The following CSMD1 variants were observed in gnomAD, a reference collection of about 807,000 sequenced individuals.
The protein encoded by CSMD1 is CUB and sushi domain-containing protein 1.
In CSMD1, 213 loss-of-function variants were observed where a neutral mutation model predicts 417.5. That is an observed-to-expected ratio of 0.51 (90% CI 0.46 to 0.57). The LOEUF is 0.57. CSMD1 is among the 20% of genes least tolerant of loss of function. CSMD1 has a pLI of 0.00. For missense variants in CSMD1, 6,923 were observed against 4,529.7 expected (o/e 1.53, Z -15.17); for synonymous variants, 2,862 against 1,736.8 (o/e 1.65, Z -16.11).
chr8:3,440,362 T>C lies in CSMD1; in HGVS notation c.1561+28350A>G, dbSNP rs149430854. Among the ~76,000 whole-genome samples the C allele has an allele frequency of 7.2e-5, 11 of 152,336 alleles. No homozygotes were observed. The East Asian group carries it at 2.1e-3, about 29-fold the overall frequency. ...GTTTTCAGTCTATGAGTCCTATACA[T>C]ATACAGTTTTCTTTAGATTTCCACA... On this transcript the variant is annotated intron_variant, in intron 12 of 69. Transcript: ENST00000635120.
chr8:4,640,808 GTTT>G (rs755412947), intron 1 of CSMD1, among the ~76,000 whole-genome samples: 1 of 144,176 alleles, frequency 6.9e-6, no homozygotes, highest in Non-Finnish European at 1.5e-5. Context: ...TAATTGTAAT[GTTT>G]TAGTTAAAAT....
chr8:3,188,655 A>G (rs1211097087), intron 35 of CSMD1, among the ~76,000 whole-genome samples: 2 of 151,748 alleles, frequency 1.3e-5, no homozygotes, highest in East Asian at 3.9e-4. Flanking sequence ...TTATTTTAAA[A>G]AATTGATTAT....
chr8:4,676,234 G>C lies in CSMD1; in HGVS notation c.86-38676C>G, dbSNP rs142075020. Among the ~76,000 whole-genome samples the C allele has an allele frequency of 7.0e-3, 1,066 of 152,234 alleles. 12 individuals carry two copies. The highest frequency in any genetic ancestry group is 0.027 in the Middle Eastern group (8 of 294). On this transcript the variant is annotated intron_variant, in intron 1 of 69. Coordinates refer to ENST00000635120, the MANE Select transcript of CSMD1 (RefSeq NM_033225.6). ...GGTACTTGGGATTGAAGATTCTTTA[G>C]AGTTGCTCTTCTCCTTTGCTTATGA...
At chr8:3,548,315 G>A (rs749352874) in intron 10 of CSMD1, among the ~76,000 whole-genome samples, 9 of 152,058 alleles carry the variant, frequency 5.9e-5, no homozygotes, top group Non-Finnish European at 8.8e-5. Context: ...TATTTCCATA[G>A]GTAATTGGGG....
At chr8:3,695,932 C>G (rs560662304) in intron 7 of CSMD1, among the ~76,000 whole-genome samples, 6 of 152,266 alleles carry the variant, frequency 3.9e-5, no homozygotes, top group Admixed American at 3.9e-4. Flanking sequence ...TTTGTAGGAA[C>G]AAGACAAATC....
chr8:3,997,632 T>A (rs1183259346), intron 5 of CSMD1, among the ~76,000 whole-genome samples: 1 of 152,206 alleles, frequency 6.6e-6, no homozygotes, highest in Non-Finnish European at 1.5e-5. Context: ...CCTTACTTGG[T>A]TGCTTTAAAA....
chr8:3,946,752 T>C (rs1209952476), intron 5 of CSMD1, among the ~76,000 whole-genome samples: 1 of 152,184 alleles, frequency 6.6e-6, no homozygotes. Context: ...CTCAGCTATG[T>C]TTTACAGTTT....
intron 1 of CSMD1, among the ~76,000 whole-genome samples, chr8:4,691,070 T>C (rs1255008076): frequency 6.6e-6 from 1 of 152,102 alleles, no homozygotes; most frequent in East Asian, 1.9e-4. Flanking sequence ...ACCTTTAAAA[T>C]GGTACCTGGG....
At chr8:4,065,924 TGA>T (rs982639048) in intron 3 of CSMD1, among the ~76,000 whole-genome samples, 17 of 151,998 alleles carry the variant, frequency 1.1e-4, no homozygotes, top group African/African-American at 3.9e-4. Flanking sequence ...CAGGGAAAAA[TGA>T]GAGTTAGAGA....
At chr8:4,406,660 C>T (rs549298108) in intron 3 of CSMD1, among the ~76,000 whole-genome samples, 1 of 152,140 alleles carries the variant, frequency 6.6e-6, no homozygotes, top group Non-Finnish European at 1.5e-5. Flanking sequence ...GGGCACTCCT[C>T]CTGGCCATGC....
intron 1 of CSMD1, among the ~76,000 whole-genome samples, chr8:4,986,874 G>C (rs139023148): frequency 6.6e-6 from 1 of 152,146 alleles, no homozygotes; most frequent in Non-Finnish European, 1.5e-5. Flanking sequence ...TGAAAGATTA[G>C]TGAAAACGTT....
chr8:3,570,571 G>A (rs530803637), intron 10 of CSMD1, among the ~76,000 whole-genome samples: 2 of 152,284 alleles, frequency 1.3e-5, no homozygotes, highest in South Asian at 2.1e-4. Context: ...GAGGGGGCAG[G>A]AAAAATGTCA....
intron 2 of CSMD1, among the ~76,000 whole-genome samples, chr8:4,486,105 G>A (rs1275810587): frequency 6.5e-5 from 9 of 137,534 alleles, no homozygotes; most frequent in Non-Finnish European, 1.6e-5. Context: ...ACATATATAT[G>A]TATGTATATA....
intron 2 of CSMD1, among the ~76,000 whole-genome samples, chr8:4,430,029 G>A (rs893328296): frequency 3.9e-5 from 6 of 152,142 alleles, no homozygotes; most frequent in Non-Finnish European, 7.3e-5. Flanking sequence ...AAATGAAATC[G>A]ACTGCCTGAG....
chr8:4,658,056 TGAAGGGAAAAA>T (rs1340742531), intron 1 of CSMD1, among the ~76,000 whole-genome samples: 1 of 151,134 alleles, frequency 6.6e-6, no homozygotes, highest in East Asian at 1.9e-4. Context: ...ATATTCAGTA[TGAAGGGAAAAA>T]GAAGGGAAAA....
intron 2 of CSMD1, among the ~76,000 whole-genome samples, chr8:4,506,746 T>C (rs369262407): frequency 1.4e-4 from 22 of 152,324 alleles, no homozygotes; most frequent in East Asian, 1.4e-3. Context: ...TCAGCTTATA[T>C]ATGGTTAAAT....
In CSMD1 at chr8:3,104,115, C is replaced by G. The variant is rs558408752; in HGVS notation, c.6949+2413G>C. On this transcript the variant is annotated intron_variant, in intron 46 of 69. Coordinates refer to ENST00000635120, the MANE Select transcript of CSMD1 (RefSeq NM_033225.6). ...TTCTTCTCTTCTCAGCTAAGATCACCTTTAGTTAAAGTCTTCTATTCTGAG... is the reference window on the plus strand; with the variant it reads ...TTCTTCTCTTCTCAGCTAAGATCACGTTTAGTTAAAGTCTTCTATTCTGAG... Among the ~76,000 whole-genome samples the G allele has an allele frequency of 3.2e-4, 48 of 152,226 alleles. No individual in the cohort carries two copies. In the East Asian group the frequency reaches 7.1e-3, roughly 23 times the overall value.
At chr8:3,890,568 C>T (rs1474858529) in intron 5 of CSMD1, among the ~76,000 whole-genome samples, 2 of 152,000 alleles carry the variant, frequency 1.3e-5, no homozygotes, top group Non-Finnish European at 2.9e-5. Flanking sequence ...TAATAGGTAA[C>T]ACATAAGGTT....
At chr8:3,341,103 G>A (rs1431055509) in intron 23 of CSMD1, among the ~76,000 whole-genome samples, 1 of 152,188 alleles carries the variant, frequency 6.6e-6, no homozygotes, top group East Asian at 1.9e-4. Flanking sequence ...CTAAAGTGAT[G>A]CTGGATGCCG....
Sources: gnomAD v4.1 joint callset for allele counts (sites outside exome capture counted in the v4.1 genomes callset) on GRCh38, gnomAD v4.1.1 for gene constraint, MANE v1.5 for transcripts, NCBI Gene and HGNC (gene_info 2026-07-23, HGNC 2026-07-21) for gene names.